Variants in RBFOX1 observed in about 807,000 individuals in gnomAD.
RBFOX1 encodes the protein RNA binding fox-1 homolog 1.
Under a neutral mutation model 57.7 loss-of-function variants are expected in RBFOX1, and 8 were observed. The ratio of observed to expected loss-of-function variants is 0.14; its 90% CI spans 0.08 to 0.25. RBFOX1 has a LOEUF of 0.25. Ranked by LOEUF, RBFOX1 falls within the 10% of genes least tolerant of loss-of-function variation. The pLI is 1.00. For synonymous variants in RBFOX1, 326 were observed against 222.4 expected (o/e 1.47, Z -4.15); for missense variants, 611 against 548.5 (o/e 1.11, Z -1.14).
chr16:6,224,292 T>G (rs1191833508), intron 1 of RBFOX1, among the ~76,000 whole-genome samples: 1 of 152,110 alleles, frequency 6.6e-6, no homozygotes, highest in African/African-American at 2.4e-5. Flanking sequence ...TAAATTACCT[T>G]GGGCAGTATG....
At chr16:6,707,817 A>C (rs2063035132) in intron 3 of RBFOX1, among the ~76,000 whole-genome samples, 1 of 152,166 alleles carries the variant, frequency 6.6e-6, no homozygotes. Flanking sequence ...TTCAATTTGC[A>C]TCCGCCTTCT....
rs140713699 is a variant in RBFOX1 at position 7,095,338 on chromosome 16, A to G, written c.27+43240A>G. 2.2e-3 allele frequency among the ~76,000 whole-genome samples: 331 copies of G among 152,132 alleles called. 4 individuals carry two copies. The highest frequency in any genetic ancestry group is 0.017 in the Middle Eastern group (5 of 294). ...TTTTTAGTAGAGACTGGGTTTCACT[A>G]TATTGGCCAGGCTGGTCTCGAACTC... On this transcript the variant is annotated intron_variant, in intron 4 of 15. Coordinates refer to ENST00000550418, the MANE Select transcript of RBFOX1 (RefSeq NM_018723.4).
chr16:7,548,634 CG>C (rs568571578), intron 5 of RBFOX1, among the ~76,000 whole-genome samples: 1 of 152,038 alleles, frequency 6.6e-6, no homozygotes, highest in African/African-American at 2.4e-5. Flanking sequence ...GGGGCAGGAG[CG>C]GGGGGGCAGT....
At chr16:7,317,191 C>T (rs556939234) in intron 4 of RBFOX1, among the ~76,000 whole-genome samples, 6 of 152,010 alleles carry the variant, frequency 3.9e-5, no homozygotes, top group East Asian at 3.9e-4. Flanking sequence ...AGAAAAGAAA[C>T]GGCCAGGAGT....
intron 3 of RBFOX1, among the ~76,000 whole-genome samples, chr16:6,922,798 G>A (rs547337165): frequency 4.6e-5 from 7 of 152,242 alleles, no homozygotes; most frequent in African/African-American, 1.4e-4. Context: ...CAGGAGGTCA[G>A]CGTTCATCAC....
chr16:7,247,461 T>C (rs1305889828), intron 4 of RBFOX1, among the ~76,000 whole-genome samples: 1 of 152,188 alleles, frequency 6.6e-6, no homozygotes, highest in East Asian at 1.9e-4. Context: ...GTTAAGTTCC[T>C]GGTATGTGAT....
rs1284183490 is a variant in RBFOX1, at chr16:7,227,285, A to ACCCCCCCCC, written c.27+175191_27+175192insCCCCCCCCC. ...CACTGTCACATACCACACACACCCC[A>ACCCCCCCCC]CCCCACCCCCACACACACACACAGC... On this transcript the variant is annotated intron_variant, in intron 4 of 15. Coordinates refer to ENST00000550418, the MANE Select transcript of RBFOX1 (RefSeq NM_018723.4). Among the ~76,000 whole-genome samples, 15 of 73,286 alleles carry ACCCCCCCCC rather than the reference A, an allele frequency of 2.0e-4. 1 individual carries two copies. The highest frequency in any genetic ancestry group is 8.4e-4 in the East Asian group (1 of 1,186). The allele number at this position is 73,286 out of a possible 152,430, so 48.1% of individuals were successfully genotyped here.
Position 6,721,178 on chromosome 16 carries a change from C to G in RBFOX1, c.-16+66528C>G, listed in dbSNP as rs144892178. On this transcript the variant is annotated intron_variant, in intron 3 of 15. Coordinates refer to ENST00000550418, the MANE Select transcript of RBFOX1 (RefSeq NM_018723.4). ...ATCATGTTGGCCGGGCACGGTGGCT[C>G]ACTCCTATAATCCCAGTACTTTGGA... Among the ~76,000 whole-genome samples the G allele has an allele frequency of 6.7e-3, 1,025 of 152,304 alleles. 16 individuals carry two copies. The highest frequency in any genetic ancestry group is 0.023 in the African/African-American group (958 of 41,552).
intron 1 of RBFOX1, among the ~76,000 whole-genome samples, chr16:5,431,832 C>G (rs779234937): frequency 1.3e-5 from 2 of 152,160 alleles, no homozygotes; most frequent in Non-Finnish European, 2.9e-5. Flanking sequence ...CTGTTTGTCC[C>G]CCTAACATCC....
chr16:7,142,007 TCTTCTTC>T (rs1382651155), intron 4 of RBFOX1, among the ~76,000 whole-genome samples: 4 of 126,968 alleles, frequency 3.2e-5, no homozygotes, highest in South Asian at 5.7e-4. Context: ...TCTTCCTCCT[TCTTCTTC>T]CTTCTTCCTT....
intron 4 of RBFOX1, among the ~76,000 whole-genome samples, chr16:7,342,160 CT>C (rs2096910506): frequency 6.6e-6 from 1 of 152,164 alleles, no homozygotes; most frequent in African/African-American, 2.4e-5. Flanking sequence ...ATTACTCTCT[CT>C]GTGTTACTCT....
At chr16:6,707,859 A>C (rs2063042922) in intron 3 of RBFOX1, among the ~76,000 whole-genome samples, 1 of 152,174 alleles carries the variant, frequency 6.6e-6, no homozygotes, top group Non-Finnish European at 1.5e-5. Flanking sequence ...CACAAAGAAA[A>C]CATTAAGCTT....
At position 6,450,538 on chromosome 16, in the gene RBFOX1, C is replaced by A. The variant is rs570287136; in HGVS notation, c.-64+133481C>A. ...GAAATGTTGGCCTCTACCCAGCCAA[C>A]ATGGAGTGCTTTGAGGTTTGTGTGT... is the stretch of plus-strand genomic sequence containing the variant. On this transcript the variant is annotated intron_variant, in intron 2 of 15. Transcript: ENST00000550418. 4.6e-5 allele frequency among the ~76,000 whole-genome samples: 7 copies of A among 151,262 alleles called. No individual in the cohort carries two copies. In the South Asian group the frequency reaches 1.5e-3, roughly 32 times the overall value.
chr16:6,287,945 C>G (rs2077066441), intron 1 of RBFOX1, among the ~76,000 whole-genome samples: 1 of 152,090 alleles, frequency 6.6e-6, no homozygotes, highest in South Asian at 2.1e-4. Flanking sequence ...GTTTTGATAT[C>G]TTGCTAAAGA....
intron 3 of RBFOX1, among the ~76,000 whole-genome samples, chr16:6,900,604 G>A (rs529284280): frequency 3.9e-5 from 6 of 152,260 alleles, no homozygotes; most frequent in African/African-American, 1.4e-4. Context: ...GCAATGTGCT[G>A]AGTGTCACAG....
At chr16:7,614,392 C>A (rs1437805807) in intron 10 of RBFOX1, 1 of 151,978 alleles carries the variant, frequency 6.6e-6, no homozygotes, top group South Asian at 2.1e-4. Flanking sequence ...CAGCCCTGCC[C>A]ATATTTGGCC....
chr16:6,752,748 C>T (rs966326076), intron 3 of RBFOX1, among the ~76,000 whole-genome samples: 2 of 152,112 alleles, frequency 1.3e-5, no homozygotes, highest in African/African-American at 2.4e-5. Context: ...ATCCCCCTTT[C>T]CCTTACTGCT....
intron 4 of RBFOX1, among the ~76,000 whole-genome samples, chr16:5,962,797 G>A (rs1416653760): frequency 2.0e-5 from 3 of 149,966 alleles, no homozygotes; most frequent in Non-Finnish European, 3.0e-5. Context: ...CAGCAGCTAC[G>A]GTATGAGAAG....
chr16:5,680,702 T>C (rs950428483), intron 3 of RBFOX1, among the ~76,000 whole-genome samples: 15 of 152,160 alleles, frequency 9.9e-5, no homozygotes, highest in African/African-American at 3.6e-4. Flanking sequence ...TGCCAAACTT[T>C]AGGGGCCAGC....
Sources: gnomAD v4.1 joint callset for allele counts (sites outside exome capture counted in the v4.1 genomes callset) on GRCh38, gnomAD v4.1.1 for gene constraint, MANE v1.5 for transcripts, NCBI Gene and HGNC (gene_info 2026-07-23, HGNC 2026-07-21) for gene names.